Variants in AOPEP observed in about 807,000 individuals in gnomAD.
AOPEP encodes aminopeptidase O (putative), also known as aminopeptidase O.
A neutral mutation model predicts 98.1 loss-of-function variants in AOPEP; 77 were observed. The ratio of observed to expected loss-of-function variants is 0.78; its 90% CI spans 0.65 to 0.95. The LOEUF is 0.95. Among genes scored for constraint, AOPEP ranks in the 40% least tolerant of loss-of-function variants. The pLI is 0.00. For missense variants in AOPEP, 1,024 were observed against 1,024.7 expected, an observed-to-expected ratio of 1.00 and a Z score of 0.01; for synonymous variants, 346 against 365.3, an observed-to-expected ratio of 0.95 and a Z score of 0.60.
chr9:94,728,580 G>A (rs1829810674), intron 1 of AOPEP, among the ~76,000 whole-genome samples: 1 of 152,186 alleles, frequency 6.6e-6, no homozygotes, highest in Non-Finnish European at 1.5e-5. Context: ...TTAAGGGAGG[G>A]TTTTGTTCAT....
chr9:94,783,154 C>T (rs1333978886), intron 3 of AOPEP, among the ~76,000 whole-genome samples: 1 of 152,178 alleles, frequency 6.6e-6, no homozygotes, highest in Non-Finnish European at 1.5e-5. Context: ...GAATAACAAG[C>T]CTGGTGGGGC....
intron 5 of AOPEP, among the ~76,000 whole-genome samples, chr9:94,885,714 T>C (rs2048163634): frequency 6.6e-6 from 1 of 152,180 alleles, no homozygotes; most frequent in African/African-American, 2.4e-5. Context: ...TTTGCATTCT[T>C]GGGTTAAGAA....
At chr9:95,060,298 T>G (rs73526548) in intron 13 of AOPEP, among the ~76,000 whole-genome samples, 1,804 of 152,356 alleles carry the variant, frequency 0.012, 32 homozygotes, top group African/African-American at 0.041. Context: ...CTGTGAAATT[T>G]CCAGGTGTTT....
intron 10 of AOPEP, among the ~76,000 whole-genome samples, chr9:94,977,393 C>G (rs186078041): frequency 1.3e-5 from 2 of 152,236 alleles, no homozygotes; most frequent in Admixed American, 1.3e-4. Context: ...GATTTAGAGG[C>G]ACAGGCCTGT....
In AOPEP at chr9:94,743,968, A is replaced by G. The variant is rs143343332; in HGVS notation, c.-135-15681A>G. 8.6e-3 allele frequency among the ~76,000 whole-genome samples: 1,314 copies of G among 152,298 alleles called. 10 individuals are homozygous for G. Among genetic ancestry groups the G allele is most frequent in the Middle Eastern group, 0.017 (5 of 294 alleles). On this transcript the variant is annotated intron_variant, in intron 1 of 16. Coordinates refer to ENST00000375315, the MANE Select transcript of AOPEP (RefSeq NM_001193329.3). The stretch of plus-strand genomic sequence containing the variant: ...AATGAAGTGCTTTGACATTGTGACC[A>G]TGGGGTCCAGCGTGGGCTACTCAGC...
intron 11 of AOPEP, among the ~76,000 whole-genome samples, chr9:94,997,553 G>A (rs529447645): frequency 3.9e-5 from 6 of 152,150 alleles, no homozygotes; most frequent in Non-Finnish European, 8.8e-5. Flanking sequence ...CTGATGTCTG[G>A]GTCCCACTCT....
In AOPEP at chr9:94,859,901, G is replaced by A. The variant is rs902517368; in HGVS notation, c.1364+58899G>A. On this transcript the variant is annotated intron_variant, in intron 5 of 16. Coordinates refer to ENST00000375315, the MANE Select transcript of AOPEP (RefSeq NM_001193329.3). ...AATTCAGCAGACACTTATTTAGGGC[G>A]TCCTATGTACTGAACACTAAATTCT... Among the ~76,000 whole-genome samples, 3 of 152,178 alleles carry A rather than the reference G, an allele frequency of 2.0e-5. 1 individual carries two copies. The highest frequency in any genetic ancestry group is 4.1e-4 in the South Asian group (2 of 4,828).
At chr9:94,885,070 C>T (rs527846801) in intron 5 of AOPEP, among the ~76,000 whole-genome samples, 196 of 150,550 alleles carry the variant, frequency 1.3e-3, no homozygotes, top group Non-Finnish European at 2.6e-3. Context: ...TTGTGCTTGC[C>T]GCATGCAGTG....
At chr9:94,899,561 G>A (rs1332681967) in intron 5 of AOPEP, among the ~76,000 whole-genome samples, 1 of 151,638 alleles carries the variant, frequency 6.6e-6, no homozygotes, top group Non-Finnish European at 1.5e-5. Context: ...ACCAGCCTGG[G>A]CAACAAAATG....
At chr9:95,131,482 C>T in the AOPEP span, among the ~76,000 whole-genome samples, 2 of 152,204 alleles carry the variant, frequency 1.3e-5, no homozygotes, top group African/African-American at 2.4e-5. Context: ...CAAGGAAACT[C>T]GCAACGTGGG....
At chr9:94,994,881 G>A (rs2061124339) in intron 11 of AOPEP, among the ~76,000 whole-genome samples, 1 of 152,298 alleles carries the variant, frequency 6.6e-6, no homozygotes, top group South Asian at 2.1e-4. Flanking sequence ...AACGCAGGAG[G>A]TGGAGGTTGC....
chr9:95,126,382 T>C, the AOPEP span: 25 of 777,282 alleles, frequency 3.2e-5, no homozygotes, highest in Non-Finnish European at 5.0e-5. Context: ...TACCTCTAAT[T>C]ACCAAAAAGC....
intron 14 of AOPEP, among the ~76,000 whole-genome samples, chr9:95,077,726 C>G (rs2069233618): frequency 6.6e-6 from 1 of 152,096 alleles, no homozygotes; most frequent in Non-Finnish European, 1.5e-5. Context: ...CCTCGGTGGT[C>G]TGGAGACAGA....
At chr9:94,878,246 C>T (rs1056407510) in intron 5 of AOPEP, among the ~76,000 whole-genome samples, 9 of 148,670 alleles carry the variant, frequency 6.1e-5, no homozygotes, top group Admixed American at 1.4e-4. Flanking sequence ...GAAAGCTGTC[C>T]GCATCTAGGA....
Position 94,757,797 on chromosome 9 carries a change from C to T in AOPEP, c.-135-1852C>T, listed in dbSNP as rs568643591. On this transcript the variant is annotated intron_variant, in intron 1 of 16. Coordinates refer to ENST00000375315, the MANE Select transcript of AOPEP (RefSeq NM_001193329.3). ...TTTTTTTTAATCAAACAAGTTTTTT[C>T]AAAGATGCCCAGTCAACAAAATACT... Among the ~76,000 whole-genome samples the T allele has an allele frequency of 2.6e-4, 39 of 152,084 alleles. No homozygotes were observed. In the East Asian group the frequency reaches 7.5e-3, roughly 29 times the overall value.
chr9:95,096,016 G>T, the AOPEP span, among the ~76,000 whole-genome samples: 1 of 152,144 alleles, frequency 6.6e-6, no homozygotes, highest in African/African-American at 2.4e-5. Context: ...AAGTAATGCA[G>T]CATCTCCCCA....
chr9:94,881,513 C>G (rs766616767), intron 5 of AOPEP, among the ~76,000 whole-genome samples: 1 of 152,162 alleles, frequency 6.6e-6, no homozygotes, highest in African/African-American at 2.4e-5. Context: ...GAGACATAAG[C>G]TTGGTAGTCT....
At chr9:95,126,685 A>G in the AOPEP span, 2 of 1,155,664 alleles carry the variant, frequency 1.7e-6, no homozygotes, top group African/African-American at 1.5e-5. Flanking sequence ...GATGTCCAGA[A>G]AACTGGCATA....
At chr9:94,928,152 G>C (rs976143786) in intron 6 of AOPEP, among the ~76,000 whole-genome samples, 2 of 152,140 alleles carry the variant, frequency 1.3e-5, no homozygotes, top group Non-Finnish European at 2.9e-5. Flanking sequence ...CAGACCAGGT[G>C]TGTGTCGGTG....
Sources: gnomAD v4.1 joint callset for allele counts (sites outside exome capture counted in the v4.1 genomes callset) on GRCh38, gnomAD v4.1.1 for gene constraint, MANE v1.5 for transcripts, NCBI Gene and HGNC (gene_info 2026-07-23, HGNC 2026-07-21) for gene names.